The following FYB2 variants were observed in gnomAD, a reference collection of about 807,000 sequenced individuals.
FYB2 encodes the protein FYN binding protein 2, also known as FYN-binding protein 2.
Under a neutral mutation model 94.1 loss-of-function variants are expected in FYB2, and 103 were observed. The ratio of observed to expected loss-of-function variants is 1.09; its 90% CI spans 0.93 to 1.29. The LOEUF (loss-of-function observed/expected upper bound fraction) is 1.29, where lower values mean the gene tolerates loss of function less well. FYB2 is among the 50% of genes most tolerant of loss of function. The probability of loss-of-function intolerance (pLI) is 0.00; values close to 1 mark genes in which losing one functional copy is unlikely to be tolerated. For missense variants in FYB2, 896 were observed against 841.5 expected (o/e 1.06, Z -0.80); for synonymous variants, 293 against 287.9 (o/e 1.02, Z -0.18).
At chr1:56,825,610 A>G in the FYB2 span, among the ~76,000 whole-genome samples, 148 of 152,316 alleles carry the variant, frequency 9.7e-4, 3 homozygotes, top group East Asian at 0.026. Flanking sequence ...GCTGAATCAT[A>G]TGAGTACTCA....
At chr1:56,769,263 C>T (rs1645698715) in intron 4 of FYB2, among the ~76,000 whole-genome samples, 1 of 152,044 alleles carries the variant, frequency 6.6e-6, no homozygotes, top group African/African-American at 2.4e-5. Flanking sequence ...TGGTCTCGAA[C>T]TCCTAGGCTC....
chr1:56,796,319 A>T (rs1646395797), intron 1 of FYB2, among the ~76,000 whole-genome samples: 1 of 152,172 alleles, frequency 6.6e-6, no homozygotes, highest in African/African-American at 2.4e-5. Context: ...AACTGCATGA[A>T]GATGGTTTGG....
At chr1:56,745,616 C>A (rs186978773) in intron 9 of FYB2, among the ~76,000 whole-genome samples, 1 of 152,120 alleles carries the variant, frequency 6.6e-6, no homozygotes, top group East Asian at 1.9e-4. Context: ...CCATTTCTCA[C>A]CTAAATTATT....
intron 4 of FYB2, among the ~76,000 whole-genome samples, chr1:56,785,525 A>T (rs1464507661): frequency 6.6e-6 from 1 of 152,228 alleles, no homozygotes; most frequent in Non-Finnish European, 1.5e-5. Flanking sequence ...TGACTAACCC[A>T]GGAGTTCCCA....
chr1:56,725,247 T>G (rs1334690694), intron 16 of FYB2, among the ~76,000 whole-genome samples: 7 of 152,052 alleles, frequency 4.6e-5, no homozygotes, highest in African/African-American at 1.7e-4. Context: ...TTAGCCAACT[T>G]TTCTTTAAAC....
In FYB2 at chr1:56,718,895, C is replaced by T. The variant is rs1303512361; in HGVS notation, c.*776G>A. 6.6e-6 allele frequency: 1 copy of T among 152,432 alleles called. No individual in the cohort carries two copies. The highest frequency in any genetic ancestry group is 1.5e-5 in the Non-Finnish European group (1 of 67,974). The allele number at this position is 152,432 out of a possible 1,614,324, so 9.4% of individuals were successfully genotyped here. A position where few individuals can be genotyped will look rare whatever the true frequency, so the allele number is the denominator to read the frequency against. On this transcript the variant is annotated 3_prime_UTR_variant, in exon 20 of 20. Transcript: ENST00000343433. ...TCAGCTTTTAAATTTTTATTTAATT[C>T]CATATAAATGAAAGTACATATGAAT...
At position 56,744,217 on chromosome 1, in the gene FYB2, C is replaced by A. The variant is rs764922056; in HGVS notation, c.1437G>T (p.Gly479=). ...LESTKETPDL[G]VSKTSSISEE... ...CCGAGATGGAACTTGTCTTAGAGAC[C>A]CCTAGGTCTGGAGTTTCTTTAGTTG... The change falls in exon 10 of 20, where the codon GGG becomes GGT. Residue 479 remains glycine (G), a synonymous_variant. Transcript: ENST00000343433. 1.2e-6 allele frequency: 2 copies of A among 1,612,310 alleles called. No individual in the cohort carries two copies. The highest frequency in any genetic ancestry group is 2.7e-5 in the African/African-American group (2 of 74,718).
At chr1:56,767,732 C>A in intron 5 of FYB2, 97 bp downstream of exon 5, 3 of 900,390 alleles carry the variant, frequency 3.3e-6, no homozygotes, top group South Asian at 1.5e-5. Context: ...GATGGCTGTG[C>A]ATTTTTAAAC....
chr1:56,796,049 T>C (rs1472090865), intron 1 of FYB2, among the ~76,000 whole-genome samples: 3 of 152,124 alleles, frequency 2.0e-5, no homozygotes, highest in South Asian at 2.1e-4. Flanking sequence ...CAAAGTGCTA[T>C]GTGGAGAATT....
Position 56,738,659 on chromosome 1 carries a change from G to A in FYB2, c.1704-6C>T. ...GCAGCAAAATGGAAAATGCACTGTTGATTGACAAAAGACACAAAAGAGTTA... is the reference window on the plus strand; with the variant it reads ...GCAGCAAAATGGAAAATGCACTGTTAATTGACAAAAGACACAAAAGAGTTA... On this transcript the variant is annotated splice_polypyrimidine_tract_variant and splice_region_variant and intron_variant, in intron 13 of 19. Transcript: ENST00000343433. 1 of 1,610,076 alleles carries A rather than the reference G, an allele frequency of 6.2e-7. No homozygotes were observed. The highest frequency in any genetic ancestry group is 2.2e-5 in the East Asian group (1 of 44,664).
At chr1:56,793,274 T>C (rs1337391443) in intron 1 of FYB2, among the ~76,000 whole-genome samples, 8 of 152,114 alleles carry the variant, frequency 5.3e-5, no homozygotes, top group South Asian at 4.1e-4. Flanking sequence ...AACAGAACTG[T>C]TTACAATTTT....
At chr1:56,742,598 T>C (rs1161620544) in intron 11 of FYB2, among the ~76,000 whole-genome samples, 1 of 152,078 alleles carries the variant, frequency 6.6e-6, no homozygotes, top group Non-Finnish European at 1.5e-5. Context: ...CCATGGAAAA[T>C]GAGATATATC....
rs374940779 is a variant in FYB2 at position 56,720,191 on chromosome 1, G to A, written c.2113C>T (p.Arg705Cys). The A allele has an allele frequency of 4.3e-5, 69 of 1,609,720 alleles. 1 individual carries two copies. The highest frequency in any genetic ancestry group is 9.0e-5 in the East Asian group (4 of 44,662). Residue 705 changes from arginine to cysteine, a missense_variant, in exon 18 of 20, where the codon CGT becomes TGT. Coordinates refer to ENST00000343433, the MANE Select transcript of FYB2 (RefSeq NM_001004303.5). ...DTTEQNLVIC[R>C]NSKGKYGYVL... ...AACTTACATTTGCCTTTAGAATTAC[G>A]ACATATCACTAGATTTTGTTCGGTG...
At chr1:56,740,601 T>C in intron 13 of FYB2, 96 bp downstream of exon 13, 1 of 681,228 alleles carries the variant, frequency 1.5e-6, no homozygotes, top group Non-Finnish European at 2.4e-6. Flanking sequence ...GTTTCTGATA[T>C]CCCCTTCACT....
intron 1 of FYB2, among the ~76,000 whole-genome samples, chr1:56,797,956 G>C (rs1298057314): frequency 6.6e-6 from 1 of 152,112 alleles, no homozygotes; most frequent in African/African-American, 2.4e-5. Flanking sequence ...CACTGCTGTA[G>C]TGCCAGTGCC....
chr1:56,719,990 CAT>C, intron 19 of FYB2, 30 bp downstream of exon 19: 1 of 1,554,538 alleles, frequency 6.4e-7, no homozygotes, highest in Admixed American at 1.9e-5. Flanking sequence ...ATTAGGAACT[CAT>C]GATTTAAAGT....
rs536930522 is a variant in FYB2, at chr1:56,792,818, A to G, written c.10-15T>C. ...CTTACCCCTTCCTAAGGCAAAGAAT[A>G]ATCAAACAAACAAACAAAAACAAAA... On this transcript the variant is annotated splice_polypyrimidine_tract_variant and intron_variant, in intron 1 of 19. Transcript: ENST00000343433. The G allele has an allele frequency of 8.4e-5, 132 of 1,579,582 alleles. 1 individual carries two copies. Among genetic ancestry groups the G allele is most frequent in the Admixed American group, 6.5e-4 (35 of 54,154 alleles).
At chr1:56,742,076 G>C in intron 12 of FYB2, 85 bp downstream of exon 12, 2 of 1,196,006 alleles carry the variant, frequency 1.7e-6, no homozygotes, top group South Asian at 1.3e-5. Context: ...CTGGGGGGCG[G>C]ATGGTGGGTC....
intron 1 of FYB2, among the ~76,000 whole-genome samples, chr1:56,796,432 G>A (rs537888728): frequency 8.6e-4 from 131 of 152,150 alleles, no homozygotes; most frequent in Admixed American, 7.3e-3. Context: ...TAAGCAGCCC[G>A]TGAGCACCTC....
Sources: gnomAD v4.1 joint callset for allele counts (sites outside exome capture counted in the v4.1 genomes callset) on GRCh38, gnomAD v4.1.1 for gene constraint, MANE v1.5 for transcripts, NCBI Gene and HGNC (gene_info 2026-07-23, HGNC 2026-07-21) for gene names.